ADIPOR2: variants seen among roughly 807,000 people sequenced by gnomAD.
ADIPOR2 encodes the protein adiponectin receptor 2.
A neutral mutation model predicts 40.9 loss-of-function variants in ADIPOR2; 18 were observed. The observed-to-expected ratio is 0.44, with a 90% CI of 0.30 to 0.65. The LOEUF (loss-of-function observed/expected upper bound fraction) is 0.65, where lower values mean the gene tolerates loss of function less well. Among genes scored for constraint, ADIPOR2 ranks in the 30% least tolerant of loss-of-function variants. ADIPOR2 has a pLI of 0.09. For synonymous variants in ADIPOR2, 165 were observed against 166.4 expected (o/e 0.99, Z 0.06); for missense variants, 283 against 479.2 (o/e 0.59, Z 3.82).
intron 1 of ADIPOR2, among the ~76,000 whole-genome samples, chr12:1,732,678 CCTTT>C (rs1388662320): frequency 6.6e-6 from 1 of 151,946 alleles, no homozygotes; most frequent in Non-Finnish European, 1.5e-5. Flanking sequence ...AAATTGTATG[CCTTT>C]CTAACTTTTG....
intron 1 of ADIPOR2, among the ~76,000 whole-genome samples, chr12:1,694,045 A>G (rs754921094): frequency 1.4e-4 from 22 of 152,238 alleles, no homozygotes; most frequent in Non-Finnish European, 3.1e-4. Context: ...CTTACTATGT[A>G]CTAGACAATT....
Position 1,713,797 on chromosome 12 carries a change from TG to T in ADIPOR2, c.-87+22608del, listed in dbSNP as rs199525482. 8.5e-5 allele frequency among the ~76,000 whole-genome samples: 13 copies of T among 152,066 alleles called. No homozygotes were observed. In the East Asian group the frequency reaches 2.5e-3, roughly 29 times the overall value. ...TGTCCCAGGATTCCTCGGATGGTAA[TG>T]GACCTTGAGGACAGCTGTCCGGGAC... is the stretch of plus-strand genomic sequence containing the variant. On this transcript the variant is annotated intron_variant, in intron 1 of 7. Transcript: ENST00000357103.
chr12:1,756,690 T>G (rs1046573886), intron 2 of ADIPOR2, among the ~76,000 whole-genome samples: 8 of 152,094 alleles, frequency 5.3e-5, no homozygotes, highest in African/African-American at 1.9e-4. Flanking sequence ...GGTTGTGGAA[T>G]GGATTATTTG....
intron 1 of ADIPOR2, among the ~76,000 whole-genome samples, chr12:1,698,747 TGAA>T (rs1333665616): frequency 6.6e-6 from 1 of 152,186 alleles, no homozygotes; most frequent in African/African-American, 2.4e-5. Flanking sequence ...TTGTAATAGT[TGAA>T]GAAAACACAT....
chr12:1,724,272 C>T (rs529481756), intron 1 of ADIPOR2, among the ~76,000 whole-genome samples: 3 of 152,258 alleles, frequency 2.0e-5, no homozygotes, highest in South Asian at 2.1e-4. Flanking sequence ...TGAGCCACCG[C>T]ACCCGGCCAC....
intron 1 of ADIPOR2, among the ~76,000 whole-genome samples, chr12:1,730,255 GA>G (rs1337101597): frequency 6.6e-6 from 1 of 151,556 alleles, no homozygotes; most frequent in Non-Finnish European, 1.5e-5. Flanking sequence ...AACTTAGGGG[GA>G]AAAGTTGTGA....
chr12:1,763,832 A>T (rs367562739), intron 2 of ADIPOR2, among the ~76,000 whole-genome samples: 126 of 152,182 alleles, frequency 8.3e-4, no homozygotes, highest in African/African-American at 2.9e-3. Context: ...TACAAAAATT[A>T]TCCGGGCCTG....
In ADIPOR2 at chr12:1,784,573, A is replaced by G. The variant is rs191167755; in HGVS notation, c.1032+500A>G. Among the ~76,000 whole-genome samples, 12 of 152,362 alleles carry G rather than the reference A, an allele frequency of 7.9e-5. No individual in the cohort carries two copies. The East Asian group carries it at 2.3e-3, about 29-fold the overall frequency. On this transcript the variant is annotated intron_variant, in intron 7 of 7. Transcript: ENST00000357103. The stretch of plus-strand genomic sequence containing the variant: ...TTTCACCAGAGCCCTTTTTAGGACC[A>G]GATTTCTATCAGGGTCTTTTTTTAT...
At chr12:1,764,298 G>A (rs1164969735) in intron 2 of ADIPOR2, among the ~76,000 whole-genome samples, 3 of 152,124 alleles carry the variant, frequency 2.0e-5, no homozygotes, top group Non-Finnish European at 4.4e-5. Flanking sequence ...AATCAATCCA[G>A]TTAGGTATCT....
chr12:1,731,413 G>A (rs1051032570), intron 1 of ADIPOR2, among the ~76,000 whole-genome samples: 3 of 152,086 alleles, frequency 2.0e-5, no homozygotes, highest in African/African-American at 7.2e-5. Context: ...GTGGCATTAG[G>A]TATATTCACA....
intron 1 of ADIPOR2, among the ~76,000 whole-genome samples, chr12:1,712,930 C>T (rs1410614256): frequency 6.6e-6 from 1 of 152,078 alleles, no homozygotes; most frequent in African/African-American, 2.4e-5. Flanking sequence ...TGCCTTGTAC[C>T]CTTGATTAGC....
At chr12:1,751,900 A>ATT (rs1300772335) in intron 1 of ADIPOR2, among the ~76,000 whole-genome samples, 1 of 149,306 alleles carries the variant, frequency 6.7e-6, no homozygotes, top group Non-Finnish European at 1.5e-5. Context: ...GTGTGCTGAT[A>ATT]TTTTTCTTTT....
At chr12:1,734,808 G>T (rs1227392937) in intron 1 of ADIPOR2, among the ~76,000 whole-genome samples, 2 of 152,148 alleles carry the variant, frequency 1.3e-5, no homozygotes, top group Non-Finnish European at 2.9e-5. Context: ...TCCAGTTTCA[G>T]CTTTCTACAT....
At chr12:1,744,008 A>G (rs1049720352) in intron 1 of ADIPOR2, among the ~76,000 whole-genome samples, 2 of 152,144 alleles carry the variant, frequency 1.3e-5, no homozygotes, top group African/African-American at 4.8e-5. Flanking sequence ...TTTATGTTGG[A>G]TAGAGGTTAT....
chr12:1,757,166 C>G (rs1222737032), intron 2 of ADIPOR2: 1 of 291,442 alleles, frequency 3.4e-6, no homozygotes, highest in Non-Finnish European at 6.4e-6. Context: ...CAATAAAATT[C>G]TGTTTATCAT....
In ADIPOR2 at chr12:1,712,898, A is replaced by G. The variant is rs545292107; in HGVS notation, c.-87+21707A>G. Among the ~76,000 whole-genome samples the G allele has an allele frequency of 2.0e-5, 3 of 152,276 alleles. No homozygotes were observed. In the East Asian group the frequency reaches 5.8e-4, roughly 29 times the overall value. ...CCTAGATATTTGACTTGTTGTAGGC[A>G]GAGCTGGGCCTTTGATTTAGATGCC... On this transcript the variant is annotated intron_variant, in intron 1 of 7. Transcript: ENST00000357103.
At position 1,780,527 on chromosome 12, in the gene ADIPOR2, G is replaced by C. The variant is rs1862693526; in HGVS notation, c.540G>C (p.Glu180Asp). The change falls in exon 5 of 8, where the codon GAG becomes GAC. Residue 180 changes from glutamate (E) to aspartate (D), a missense_variant. Transcript: ENST00000357103. ...TCTCCTTTGTGGCCCCTCTGCAAGA[G>C]AAGGTGGTCTTTGGATTATTTTTCT... ...PNISFVAPLQ[E>D]KVVFGLFFLG... The C allele has an allele frequency of 6.2e-7, 1 of 1,613,762 alleles. No individual in the cohort carries two copies. Among genetic ancestry groups the C allele is most frequent in the Non-Finnish European group, 8.5e-7 (1 of 1,179,922 alleles).
At chr12:1,750,679 G>T (rs534394646) in intron 1 of ADIPOR2, among the ~76,000 whole-genome samples, 1 of 152,102 alleles carries the variant, frequency 6.6e-6, no homozygotes, top group African/African-American at 2.4e-5. Context: ...TTTAAGATTT[G>T]TTTTGAAGTG....
chr12:1,722,315 G>A (rs766176648), intron 1 of ADIPOR2, among the ~76,000 whole-genome samples: 39 of 152,202 alleles, frequency 2.6e-4, no homozygotes, highest in Non-Finnish European at 5.0e-4. Flanking sequence ...GATAAGACTG[G>A]AGGGGAGAGC....
Sources: allele counts gnomAD v4.1 joint callset (sites outside exome capture counted in the v4.1 genomes callset), GRCh38; gene constraint gnomAD v4.1.1; transcripts MANE v1.5; gene names NCBI Gene and HGNC (gene_info 2026-07-23, HGNC 2026-07-21).